The following CHRDL1 variants were observed in gnomAD, a reference collection of about 807,000 sequenced individuals.
CHRDL1 encodes chordin-like protein 1.
Under a neutral mutation model 40.9 loss-of-function variants are expected in CHRDL1, and 19 were observed. The ratio of observed to expected loss-of-function variants is 0.46; its 90% CI spans 0.32 to 0.68. The LOEUF (loss-of-function observed/expected upper bound fraction) is 0.68. CHRDL1 is among the 30% of genes least tolerant of loss of function. CHRDL1 has a pLI of 0.03. For missense variants in CHRDL1, 329 were observed against 352.1 expected (o/e 0.93, Z 0.53); for synonymous variants, 136 against 123.4 (o/e 1.10, Z -0.68).
At chrX:110,686,800 C>T (rs952370940) in intron 9 of CHRDL1, among the ~76,000 whole-genome samples, 12 of 104,407 alleles carry the variant, frequency 1.1e-4, no homozygotes, top group African/African-American at 2.9e-4. Context: ...TAACTTGAAC[C>T]GGGAGGTGGA....
intron 2 of CHRDL1, among the ~76,000 whole-genome samples, chrX:110,784,796 C>T (rs192990082): frequency 6.0e-4 from 67 of 111,688 alleles, no homozygotes; most frequent in African/African-American, 2.0e-3. Flanking sequence ...AAGGTGACAC[C>T]ATTAAGATGA....
At chrX:110,710,913 C>T (rs995274244) in intron 6 of CHRDL1, among the ~76,000 whole-genome samples, 1 of 111,194 alleles carries the variant, frequency 9.0e-6, no homozygotes, top group African/African-American at 3.3e-5. Flanking sequence ...CACAGTCGTC[C>T]CTCAGTATCT....
chrX:110,753,430 T>C (rs1396480437), intron 4 of CHRDL1, among the ~76,000 whole-genome samples: 2 of 111,832 alleles, frequency 1.8e-5, no homozygotes, highest in Non-Finnish European at 3.8e-5. Flanking sequence ...GTGTAATAGG[T>C]TTCCTTTTGG....
intron 2 of CHRDL1, among the ~76,000 whole-genome samples, chrX:110,778,675 T>A (rs1159335929): frequency 1.8e-5 from 2 of 111,881 alleles, no homozygotes; most frequent in Non-Finnish European, 3.8e-5. Flanking sequence ...GTTCAACCAT[T>A]GTGGAAAGCA....
chrX:110,781,899 G>T (rs1044376848), intron 2 of CHRDL1, among the ~76,000 whole-genome samples: 1 of 111,845 alleles, frequency 8.9e-6, no homozygotes, highest in African/African-American at 3.2e-5. Context: ...TAAATGGATC[G>T]CTTCAGTATA....
intron 8 of CHRDL1, among the ~76,000 whole-genome samples, chrX:110,691,943 C>A (rs2070288408): frequency 9.1e-6 from 1 of 109,309 alleles, no homozygotes; most frequent in Non-Finnish European, 1.9e-5. Flanking sequence ...TTTTTTCTCC[C>A]CAAACAGTAA....
At position 110,675,995 on chromosome X, in the gene CHRDL1, C is replaced by G. The variant is rs2069768899; in HGVS notation, c.*236G>C. The G allele has an allele frequency of 3.6e-6, 1 of 281,004 alleles. No homozygotes were observed. The highest frequency in any genetic ancestry group is 1.5e-4 in the South Asian group (1 of 6,762). 23.2% of individuals were successfully genotyped at this position (281,004 alleles called of 1,213,427 possible). A position where few individuals can be genotyped will look rare whatever the true frequency, so the allele number is the denominator to read the frequency against. ...GAAACTAGAGCAGTGTTGTGATGTTCTATCCCTCCTCCTCCCACATATAAT... is the reference window on the plus strand; with the variant it reads ...GAAACTAGAGCAGTGTTGTGATGTTGTATCCCTCCTCCTCCCACATATAAT... On this transcript the variant is annotated 3_prime_UTR_variant, in exon 12 of 12. Coordinates refer to ENST00000372042, the MANE Select transcript of CHRDL1 (RefSeq NM_001143981.2).
At chrX:110,746,561 TAGAA>T (rs200036843) in intron 4 of CHRDL1, among the ~76,000 whole-genome samples, 4,157 of 111,380 alleles carry the variant, frequency 0.037, 80 homozygotes, top group Middle Eastern at 0.066. Flanking sequence ...CAGAAGGAAA[TAGAA>T]AGGCAAGGCA....
At chrX:110,731,571 T>C (rs1162419301) in intron 4 of CHRDL1, among the ~76,000 whole-genome samples, 1 of 111,545 alleles carries the variant, frequency 9.0e-6, no homozygotes, top group Non-Finnish European at 1.9e-5. Context: ...TTCATAATAG[T>C]TAAAAGATGG....
At chrX:110,756,001 G>A (rs1381180524) in intron 4 of CHRDL1, among the ~76,000 whole-genome samples, 1 of 111,799 alleles carries the variant, frequency 8.9e-6, no homozygotes, top group Non-Finnish European at 1.9e-5. Flanking sequence ...CAGCCACGGT[G>A]TTCAAAGTTC....
rs1340265274 is a variant in CHRDL1 at position 110,700,658 on chromosome X, T to C, written c.605A>G (p.Glu202Gly). 10 of 1,171,482 alleles carry C rather than the reference T, an allele frequency of 8.5e-6. No homozygotes were observed. The highest frequency in any genetic ancestry group is 8.2e-6 in the Non-Finnish European group (7 of 858,702). Residue 202 changes from glutamate to glycine, a missense_variant, in exon 7 of 12, where the codon GAA (glutamate) becomes GGA (glycine). Glu to Gly is a moderately conservative substitution (Grantham distance 98). Coordinates refer to ENST00000372042, the MANE Select transcript of CHRDL1 (RefSeq NM_001143981.2). ...ATTTGAGCTATTCACACTTACTGCT[T>C]CTCTGTTGGCAGGTTGCCGGAAGAT... ...GDIFRQPANR[E>G]ARHSYHRSHY...
chrX:110,732,214 C>T (rs1345902298), intron 4 of CHRDL1, among the ~76,000 whole-genome samples: 1 of 111,020 alleles, frequency 9.0e-6, no homozygotes, highest in Non-Finnish European at 1.9e-5. Flanking sequence ...CGTGGTGTAT[C>T]CACTTTGGGA....
chrX:110,762,767 T>C lies in CHRDL1; in HGVS notation c.135A>G (p.Arg45=). 8.4e-7 allele frequency: 1 copy of C among 1,185,720 alleles called. No homozygotes were observed. Among genetic ancestry groups the C allele is most frequent in the Non-Finnish European group, 1.1e-6 (1 of 873,809 alleles). Residue 45 remains arginine, a synonymous_variant, in exon 3 of 12, where the codon AGA becomes AGG. Transcript: ENST00000372042. The stretch of plus-strand genomic sequence containing the variant: ...GGTAAGGATGCCATCTCTCACCCAC[T>C]CTGTACTTCTTGTCTTGAAACATGC... The part of the protein sequence containing the change: ...TYCMFQDKKY[R]VGERWHPYLE...
In CHRDL1 at chrX:110,792,234, A is replaced by G; in HGVS notation, c.-34-19T>C. On this transcript the variant is annotated intron_variant, in intron 1 of 11. Transcript: ENST00000372042. ...CTTCAAGCTGTTGGGAAGAAAGCAGAAAAAAGACTTAACACAGATCTTCTG... is the reference window on the plus strand; with the variant it reads ...CTTCAAGCTGTTGGGAAGAAAGCAGGAAAAAGACTTAACACAGATCTTCTG... The G allele has an allele frequency of 2.8e-6, 2 of 722,617 alleles. No individual in the cohort carries two copies. Among genetic ancestry groups the G allele is most frequent in the Non-Finnish European group, 4.3e-6 (2 of 469,029 alleles). The allele number at this position is 722,617 out of a possible 1,213,427, so 59.6% of individuals were successfully genotyped here. A position where few individuals can be genotyped will look rare whatever the true frequency, so the allele number is the denominator to read the frequency against.
rs773864479 is a variant in CHRDL1, at chrX:110,780,717, CAGTG to C, written c.94+11367_94+11370del. ...CCACAGTAATTTACTTTCCCATTAG[CAGTG>C]AGTGAGAATGCCCAGCAATGGACTG... On this transcript the variant is annotated intron_variant, in intron 2 of 11. Coordinates refer to ENST00000372042, the MANE Select transcript of CHRDL1 (RefSeq NM_001143981.2). Among the ~76,000 whole-genome samples, 7 of 111,807 alleles carry C rather than the reference CAGTG, an allele frequency of 6.3e-5. No individual in the cohort carries two copies. The South Asian group carries it at 2.6e-3, about 41-fold the overall frequency.
intron 7 of CHRDL1, among the ~76,000 whole-genome samples, chrX:110,697,814 CCACACACACACACACACACA>C (rs60454872): frequency 0.018 from 995 of 55,115 alleles, 32 homozygotes; most frequent in African/African-American, 0.049. Flanking sequence ...CCACACCACT[CCACACACACACACACACACA>C]CACACACACA....
intron 9 of CHRDL1, among the ~76,000 whole-genome samples, chrX:110,685,047 G>A (rs1178012423): frequency 9.0e-6 from 1 of 111,707 alleles, no homozygotes; most frequent in Non-Finnish European, 1.9e-5. Flanking sequence ...GGATACTGGA[G>A]GGCAGTTTTT....
In CHRDL1 at chrX:110,721,370, G is replaced by A; in HGVS notation, c.447+15C>T. On this transcript the variant is annotated intron_variant, in intron 5 of 11. Transcript: ENST00000372042. Reference sequence around the variant, plus strand: ...GAGTAGGGCCTAGCAGGAATGTTAAGATGTAGGGTCTTACCGAACAGCTGC... The same window carrying A: ...GAGTAGGGCCTAGCAGGAATGTTAAAATGTAGGGTCTTACCGAACAGCTGC... The A allele has an allele frequency of 8.3e-7, 1 of 1,206,853 alleles. No individual in the cohort carries two copies. Among genetic ancestry groups the A allele is most frequent in the Non-Finnish European group, 1.1e-6 (1 of 890,720 alleles).
At chrX:110,682,192 T>C (rs2069913479) in intron 9 of CHRDL1, among the ~76,000 whole-genome samples, 1 of 112,114 alleles carries the variant, frequency 8.9e-6, no homozygotes, top group African/African-American at 3.2e-5. Context: ...TCCATCCAAA[T>C]TGGCTTGACA....
Sources: gnomAD v4.1 joint callset for allele counts (sites outside exome capture counted in the v4.1 genomes callset) on GRCh38, gnomAD v4.1.1 for gene constraint, MANE v1.5 for transcripts, NCBI Gene and HGNC (gene_info 2026-07-23, HGNC 2026-07-21) for gene names.